The following PCED1B variants were observed in gnomAD, a reference collection of about 807,000 sequenced individuals.
The protein encoded by PCED1B is PC-esterase domain containing 1B.
For synonymous variants in PCED1B, 251 were observed against 246.1 expected (o/e 1.02, Z -0.19); for missense variants, 573 against 573.9 (o/e 1.00, Z 0.02).
At position 47,225,625 on chromosome 12, in the gene PCED1B, A is replaced by C. The variant is rs905108598; in HGVS notation, c.-58+8936A>C. Among the ~76,000 whole-genome samples the C allele has an allele frequency of 2.6e-5, 4 of 152,332 alleles. No individual in the cohort carries two copies. The East Asian group carries it at 7.7e-4, about 29-fold the overall frequency. On this transcript the variant is annotated intron_variant, in intron 3 of 3. Transcript: ENST00000546455. ...TTATCTGTACCATCCATTCCACTAAAATTTAAGAGAATCTTGGAAAGTTCA... is the reference window on the plus strand; with the variant it reads ...TTATCTGTACCATCCATTCCACTAACATTTAAGAGAATCTTGGAAAGTTCA...
intron 2 of PCED1B, among the ~76,000 whole-genome samples, chr12:47,111,505 G>T (rs1053606546): frequency 6.6e-6 from 1 of 151,618 alleles, no homozygotes; most frequent in African/African-American, 2.4e-5. Flanking sequence ...ACTTTATTGT[G>T]CCACTGTCAC....
chr12:47,215,951 C>T (rs2137798447), intron 2 of PCED1B, among the ~76,000 whole-genome samples: 1 of 151,908 alleles, frequency 6.6e-6, no homozygotes, highest in South Asian at 2.1e-4. Flanking sequence ...CTACTCGGAG[C>T]CTGAAGCAGG....
At chr12:47,150,101 C>G (rs949012821) in intron 2 of PCED1B, among the ~76,000 whole-genome samples, 2 of 152,102 alleles carry the variant, frequency 1.3e-5, no homozygotes, top group Non-Finnish European at 2.9e-5. Flanking sequence ...TAAATGTGTA[C>G]TATTTTTATT....
chr12:47,184,803 A>G (rs1281525538), intron 2 of PCED1B, among the ~76,000 whole-genome samples: 2 of 152,164 alleles, frequency 1.3e-5, no homozygotes, highest in African/African-American at 4.8e-5. Flanking sequence ...GATCTATGAA[A>G]ATTTTATTAC....
intron 1 of PCED1B, chr12:47,079,986 G>C (rs563554784): frequency 6.6e-6 from 1 of 151,918 alleles, no homozygotes; most frequent in South Asian, 2.1e-4. Flanking sequence ...GGCGCGTGGT[G>C]GGGGGCGCGC....
At chr12:47,127,204 C>G (rs147321389) in intron 2 of PCED1B, among the ~76,000 whole-genome samples, 137 of 152,220 alleles carry the variant, frequency 9.0e-4, no homozygotes, top group African/African-American at 3.2e-3. Flanking sequence ...TACACATTTA[C>G]ATTCAGACTG....
chr12:47,110,398 C>A (rs1188325731), intron 2 of PCED1B, among the ~76,000 whole-genome samples: 2 of 152,154 alleles, frequency 1.3e-5, no homozygotes, highest in Non-Finnish European at 2.9e-5. Context: ...AGGATTCAGC[C>A]AATCAATTAA....
chr12:47,211,832 TTGGGAGGC>T (rs1943094513), intron 2 of PCED1B, among the ~76,000 whole-genome samples: 1 of 150,222 alleles, frequency 6.7e-6, no homozygotes, highest in Non-Finnish European at 1.5e-5. Context: ...TCCCAGCACT[TTGGGAGGC>T]CGAGGCGGGC....
chr12:47,140,346 A>T (rs904587422), intron 2 of PCED1B, among the ~76,000 whole-genome samples: 2 of 152,218 alleles, frequency 1.3e-5, no homozygotes, highest in Non-Finnish European at 2.9e-5. Flanking sequence ...TTTAAGATTC[A>T]TTTGTTTATA....
intron 3 of PCED1B, among the ~76,000 whole-genome samples, chr12:47,233,621 C>T (rs7314534): frequency 0.11 from 15,988 of 152,110 alleles, 929 homozygotes; most frequent in Middle Eastern, 0.16. Flanking sequence ...TCCCTGTCTT[C>T]GGTGAAAAGG....
chr12:47,137,235 T>G (rs1441685728), intron 2 of PCED1B, among the ~76,000 whole-genome samples: 1 of 152,222 alleles, frequency 6.6e-6, no homozygotes, highest in Admixed American at 6.5e-5. Context: ...ATTTTTTATT[T>G]CCTTCACATT....
Position 47,162,415 on chromosome 12 carries a change from G to A in PCED1B, c.-525-53807G>A, listed in dbSNP as rs1351844677. Among the ~76,000 whole-genome samples, 4 of 152,104 alleles carry A rather than the reference G, an allele frequency of 2.6e-5. 1 individual carries two copies. The highest frequency in any genetic ancestry group is 4.4e-5 in the Non-Finnish European group (3 of 68,018). On this transcript the variant is annotated intron_variant, in intron 2 of 3. Coordinates refer to ENST00000546455, the MANE Select transcript of PCED1B (RefSeq NM_138371.3). Reference sequence around the variant, plus strand: ...GGGTGAATTTATAAAGAAACGAAGTGTATTTTGGCTCACAGTTCTGCAGTG... The same window carrying A: ...GGGTGAATTTATAAAGAAACGAAGTATATTTTGGCTCACAGTTCTGCAGTG...
chr12:47,164,290 T>C (rs954947056), intron 2 of PCED1B, among the ~76,000 whole-genome samples: 3 of 152,168 alleles, frequency 2.0e-5, no homozygotes, highest in Non-Finnish European at 2.9e-5. Flanking sequence ...TTTTTAAAAC[T>C]TATTTACTTT....
At chr12:47,187,996 C>A (rs1053226292) in intron 2 of PCED1B, 12 of 154,158 alleles carry the variant, frequency 7.8e-5, no homozygotes, top group Non-Finnish European at 1.8e-4. Flanking sequence ...TTCCTGACTG[C>A]AACAAGTTCT....
rs1943967220 is a variant in PCED1B at position 47,235,904 on chromosome 12, G to A, written c.841G>A (p.Ala281Thr). Residue 281 changes from alanine (A) to threonine (T), a missense_variant, in exon 4 of 4, where the codon GCC becomes ACC. Coordinates refer to ENST00000546455, the MANE Select transcript of PCED1B (RefSeq NM_138371.3). ...CCCGAGAGTCGAAGGGCCGCCCCAG[G>A]CCAACAGAAATCACCCGGCCTTACC... ...PGPRVEGPPQ[A>T]NRNHPALPLS... The A allele has an allele frequency of 6.2e-7, 1 of 1,605,008 alleles. No individual in the cohort carries two copies. The highest frequency in any genetic ancestry group is 8.5e-7 in the Non-Finnish European group (1 of 1,175,928).
At chr12:47,094,822 C>T (rs1266544899) in intron 1 of PCED1B, among the ~76,000 whole-genome samples, 1 of 151,854 alleles carries the variant, frequency 6.6e-6, no homozygotes, top group Non-Finnish European at 1.5e-5. Flanking sequence ...CCATGTTTAC[C>T]CTCACCAGTG....
chr12:47,179,631 A>C (rs1289738557), intron 2 of PCED1B, among the ~76,000 whole-genome samples: 2 of 152,232 alleles, frequency 1.3e-5, no homozygotes, highest in Non-Finnish European at 2.9e-5. Context: ...TACAGACCTC[A>C]CGATGCCTCT....
chr12:47,172,340 C>CTTTTTTTTTTTTTTTTT (rs34230051), intron 2 of PCED1B, among the ~76,000 whole-genome samples: 4 of 78,348 alleles, frequency 5.1e-5, no homozygotes, highest in Non-Finnish European at 7.3e-5. Context: ...TCGTGGGTTG[C>CTTTTTTTTTTTTTTTTT]TTTTTTTTTT....
At chr12:47,128,959 A>G (rs1296744279) in intron 2 of PCED1B, among the ~76,000 whole-genome samples, 1 of 152,222 alleles carries the variant, frequency 6.6e-6, no homozygotes, top group Non-Finnish European at 1.5e-5. Flanking sequence ...ATTTCCTTCA[A>G]ATAGTCCTGG....
Sources: allele counts gnomAD v4.1 joint callset (sites outside exome capture counted in the v4.1 genomes callset), GRCh38; gene constraint gnomAD v4.1.1; transcripts MANE v1.5; gene names NCBI Gene and HGNC (gene_info 2026-07-23, HGNC 2026-07-21).